Variants in EDIL3 observed in about 807,000 individuals in gnomAD.
The protein encoded by EDIL3 is EGF like and discoidin domains 3.
In EDIL3, 37 loss-of-function variants were observed where a neutral mutation model predicts 67.4. The observed-to-expected ratio is 0.55, with a 90% CI of 0.42 to 0.72. The LOEUF (loss-of-function observed/expected upper bound fraction) is 0.72. EDIL3 is among the 30% of genes least tolerant of loss of function. The pLI is 0.00. For synonymous variants in EDIL3, 195 were observed against 196.3 expected, an observed-to-expected ratio of 0.99 and a Z score of 0.05; for missense variants, 527 against 586.3, an observed-to-expected ratio of 0.90 and a Z score of 1.04.
At chr5:84,211,519 C>T (rs1030359481) in intron 3 of EDIL3, among the ~76,000 whole-genome samples, 1 of 152,128 alleles carries the variant, frequency 6.6e-6, no homozygotes, top group Non-Finnish European at 1.5e-5. Flanking sequence ...TGGGATCATC[C>T]TAGATTACCC....
intron 1 of EDIL3, among the ~76,000 whole-genome samples, chr5:84,335,400 C>A (rs1385407450): frequency 6.6e-6 from 1 of 152,158 alleles, no homozygotes; most frequent in Admixed American, 6.6e-5. Flanking sequence ...CTTTTACCAG[C>A]ATTACCATAT....
chr5:83,971,574 C>T (rs562414513), intron 9 of EDIL3, among the ~76,000 whole-genome samples: 14 of 151,868 alleles, frequency 9.2e-5, no homozygotes, highest in South Asian at 2.1e-4. Flanking sequence ...TTTTTTTATC[C>T]GTAGAATATT....
At chr5:84,009,235 C>G (rs1745477548) in intron 9 of EDIL3, among the ~76,000 whole-genome samples, 1 of 152,164 alleles carries the variant, frequency 6.6e-6, no homozygotes, top group Non-Finnish European at 1.5e-5. Context: ...TTATAAAATC[C>G]TGCTTAATGA....
intron 10 of EDIL3, among the ~76,000 whole-genome samples, chr5:83,944,022 A>C (rs1244488389): frequency 6.6e-6 from 1 of 152,028 alleles, no homozygotes; most frequent in Non-Finnish European, 1.5e-5. Context: ...GACTGTGCAG[A>C]GTGTTTAAGA....
At chr5:84,264,554 A>C (rs1745307915) in intron 1 of EDIL3, among the ~76,000 whole-genome samples, 1 of 152,170 alleles carries the variant, frequency 6.6e-6, no homozygotes, top group Admixed American at 6.5e-5. Flanking sequence ...AGGTGTGATG[A>C]GGGTCGACAG....
chr5:83,960,907 C>T (rs1467328070), intron 10 of EDIL3, among the ~76,000 whole-genome samples: 1 of 150,984 alleles, frequency 6.6e-6, no homozygotes, highest in Admixed American at 6.6e-5. Context: ...AAATGCTCCA[C>T]TTGAAAAGCA....
At chr5:84,095,158 C>T (rs114375486) in intron 6 of EDIL3, among the ~76,000 whole-genome samples, 370 of 152,116 alleles carry the variant, frequency 2.4e-3, no homozygotes, top group African/African-American at 8.4e-3. Context: ...TATAAGGAGA[C>T]GAGACATATT....
rs554745137 is a variant in EDIL3 at position 84,292,742 on chromosome 5, G to A, written c.68-38530C>T. Among the ~76,000 whole-genome samples the A allele has an allele frequency of 1.9e-4, 29 of 152,152 alleles. No homozygotes were observed. The South Asian group carries it at 5.8e-3, about 30-fold the overall frequency. On this transcript the variant is annotated intron_variant, in intron 1 of 10. Coordinates refer to ENST00000296591, the MANE Select transcript of EDIL3 (RefSeq NM_005711.5). Reference sequence around the variant, plus strand: ...AGAAACTCATGGGTATATTGAATAAGCCCAGAGTTATTGCTAATGTGAGAA... The same window carrying A: ...AGAAACTCATGGGTATATTGAATAAACCCAGAGTTATTGCTAATGTGAGAA...
intron 5 of EDIL3, among the ~76,000 whole-genome samples, chr5:84,117,213 G>A (rs1041781335): frequency 5.9e-5 from 9 of 151,742 alleles, no homozygotes; most frequent in South Asian, 2.1e-4. Flanking sequence ...TGTATTTTTA[G>A]TAGAGACGGG....
At chr5:84,023,866 A>T (rs1745766385) in intron 9 of EDIL3, among the ~76,000 whole-genome samples, 1 of 152,160 alleles carries the variant, frequency 6.6e-6, no homozygotes, top group Non-Finnish European at 1.5e-5. Context: ...TATTTAAATC[A>T]CTTGCAAGAT....
chr5:84,197,265 G>A (rs1743729677), intron 3 of EDIL3, among the ~76,000 whole-genome samples: 2 of 151,938 alleles, frequency 1.3e-5, no homozygotes, highest in Non-Finnish European at 2.9e-5. Flanking sequence ...AGAGAGTTCT[G>A]GGAGGACATA....
In EDIL3 at chr5:84,172,954, C is replaced by G. The variant is rs568536862; in HGVS notation, c.355+7439G>C. Among the ~76,000 whole-genome samples the G allele has an allele frequency of 1.4e-4, 21 of 152,254 alleles. No individual in the cohort carries two copies. In the South Asian group the frequency reaches 1.4e-3, roughly 11 times the overall value. On this transcript the variant is annotated intron_variant, in intron 4 of 10. Coordinates refer to ENST00000296591, the MANE Select transcript of EDIL3 (RefSeq NM_005711.5). Reference sequence around the variant, plus strand: ...AATTCCCCCTTGATAAACCCTGTCTCCTTTGCTGGCTCTGGGTCTGCTCTT... The same window carrying G: ...AATTCCCCCTTGATAAACCCTGTCTGCTTTGCTGGCTCTGGGTCTGCTCTT...
chr5:83,981,764 T>C (rs985549334), intron 9 of EDIL3, among the ~76,000 whole-genome samples: 1 of 152,080 alleles, frequency 6.6e-6, no homozygotes, highest in African/African-American at 2.4e-5. Flanking sequence ...TTACTTTTTG[T>C]ATTTCACATG....
chr5:84,114,577 T>C (rs555864903), intron 5 of EDIL3, among the ~76,000 whole-genome samples: 18 of 152,304 alleles, frequency 1.2e-4, no homozygotes, highest in Non-Finnish European at 2.6e-4. Context: ...TTCTTTGTAT[T>C]GGGGTATAAA....
At chr5:84,139,195 C>T (rs1748145691) in intron 4 of EDIL3, among the ~76,000 whole-genome samples, 2 of 150,850 alleles carry the variant, frequency 1.3e-5, no homozygotes, top group South Asian at 4.2e-4. Context: ...CAAGACTGAG[C>T]TACTTCACTC....
At chr5:84,249,784 A>T (rs1435808110) in intron 2 of EDIL3, among the ~76,000 whole-genome samples, 3 of 152,168 alleles carry the variant, frequency 2.0e-5, no homozygotes, top group Non-Finnish European at 2.9e-5. Flanking sequence ...CAAGATTTCC[A>T]TTTATGAACT....
chr5:83,965,764 A>G (rs1381123871), intron 9 of EDIL3, among the ~76,000 whole-genome samples: 2 of 148,126 alleles, frequency 1.4e-5, no homozygotes, highest in Non-Finnish European at 3.0e-5. Flanking sequence ...CTTCTGCAAC[A>G]TTTTTTTTTT....
intron 1 of EDIL3, among the ~76,000 whole-genome samples, chr5:84,374,240 C>T (rs1747918303): frequency 6.7e-6 from 1 of 150,064 alleles, no homozygotes; most frequent in South Asian, 2.1e-4. Context: ...ACTATAATTA[C>T]CTCAAGTAAA....
chr5:84,361,103 G>A (rs192236460), intron 1 of EDIL3, among the ~76,000 whole-genome samples: 5 of 151,958 alleles, frequency 3.3e-5, no homozygotes, highest in African/African-American at 1.2e-4. Context: ...GCAAGTGAGC[G>A]TTAATAAAAA....
Sources: gnomAD v4.1 joint callset for allele counts (sites outside exome capture counted in the v4.1 genomes callset) on GRCh38, gnomAD v4.1.1 for gene constraint, MANE v1.5 for transcripts, NCBI Gene and HGNC (gene_info 2026-07-23, HGNC 2026-07-21) for gene names.